The following TMEM74 variants were observed in gnomAD, a reference collection of about 807,000 sequenced individuals.
TMEM74 encodes the protein transmembrane protein 74.
TMEM74 carries 13 observed loss-of-function variants against 18.1 expected under a neutral mutation model. The ratio of observed to expected loss-of-function variants is 0.72; its 90% CI spans 0.47 to 1.14. TMEM74 has a LOEUF of 1.14. TMEM74 is among the 50% of genes most tolerant of loss of function. The pLI is 0.00. For missense variants in TMEM74, 372 were observed against 375.9 expected (o/e 0.99, Z 0.09); for synonymous variants, 159 against 146.6 (o/e 1.08, Z -0.61).
At chr8:108,693,196 G>A (rs1276782947) in intron 1 of TMEM74, among the ~76,000 whole-genome samples, 1 of 152,180 alleles carries the variant, frequency 6.6e-6, no homozygotes, top group African/African-American at 2.4e-5. Context: ...TTATATAAAA[G>A]GATAGTGAAG....
In TMEM74 at chr8:108,756,339, A is replaced by G. The variant is rs1261782230; in HGVS notation, n.119+31137T>C. Reference sequence around the variant, plus strand: ...TTCTTCAGTAAACAGCACATGGAAAATTATATTATGTTTCCCTTTCTAACT... The same window carrying G: ...TTCTTCAGTAAACAGCACATGGAAAGTTATATTATGTTTCCCTTTCTAACT... On this transcript the variant is annotated intron_variant and non_coding_transcript_variant, in intron 1 of 3. Coordinates refer to the TMEM74 transcript ENST00000518838. Among the ~76,000 whole-genome samples, 12 of 151,892 alleles carry G rather than the reference A, an allele frequency of 7.9e-5. No homozygotes were observed. The South Asian group carries it at 2.5e-3, about 32-fold the overall frequency.
intron 1 of TMEM74, among the ~76,000 whole-genome samples, chr8:108,758,421 A>G (rs975832976): frequency 6.6e-6 from 1 of 152,092 alleles, no homozygotes. Flanking sequence ...AGATACATGT[A>G]AAGCCAATTC....
intron 1 of TMEM74, among the ~76,000 whole-genome samples, chr8:108,746,388 C>G (rs1813848560): frequency 6.6e-6 from 1 of 152,040 alleles, no homozygotes; most frequent in Non-Finnish European, 1.5e-5. Flanking sequence ...TGTGCACCAT[C>G]ACAGAACCTC....
rs1040718028 is a variant in TMEM74 at position 108,620,335 on chromosome 8, A to G, written n.265-11509T>C. Among the ~76,000 whole-genome samples the G allele has an allele frequency of 2.6e-5, 4 of 152,186 alleles. 1 individual carries two copies. The highest frequency in any genetic ancestry group is 5.9e-5 in the Non-Finnish European group (4 of 68,022). ...CAGGAGGTTAATACAACAGATCAGCAGATATCTCTGCACGTGTAAGATTGA... is the reference window on the plus strand; with the variant it reads ...CAGGAGGTTAATACAACAGATCAGCGGATATCTCTGCACGTGTAAGATTGA... On this transcript the variant is annotated intron_variant and non_coding_transcript_variant, in intron 2 of 3. Coordinates refer to the TMEM74 transcript ENST00000518838.
In TMEM74 at chr8:108,744,249, G is replaced by A. The variant is rs570814986; in HGVS notation, n.119+43227C>T. 2.6e-4 allele frequency among the ~76,000 whole-genome samples: 40 copies of A among 152,186 alleles called. No homozygotes were observed. The South Asian group carries it at 7.9e-3, about 30-fold the overall frequency. On this transcript the variant is annotated intron_variant and non_coding_transcript_variant, in intron 1 of 3. Coordinates refer to the TMEM74 transcript ENST00000518838. Reference sequence around the variant, plus strand: ...GATAATTGGACTAATGACCAGAAATGACCAGAATTTTCCCTACTCAAAATA... The same window carrying A: ...GATAATTGGACTAATGACCAGAAATAACCAGAATTTTCCCTACTCAAAATA...
At chr8:108,718,334 T>C (rs1813550388) in intron 1 of TMEM74, among the ~76,000 whole-genome samples, 1 of 152,150 alleles carries the variant, frequency 6.6e-6, no homozygotes, top group Non-Finnish European at 1.5e-5. Flanking sequence ...TAGAAAAATA[T>C]GCAGTGTATT....
Position 108,700,565 on chromosome 8 carries a change from A to G in TMEM74, n.120-45128T>C, listed in dbSNP as rs1382421933. Among the ~76,000 whole-genome samples the G allele has an allele frequency of 2.0e-5, 3 of 152,172 alleles. No individual in the cohort carries two copies. In the South Asian group the frequency reaches 6.2e-4, roughly 31 times the overall value. On this transcript the variant is annotated intron_variant and non_coding_transcript_variant, in intron 1 of 3. Transcript: ENST00000518838. ...ATGGCTCAAGTTTTCTAGAACACAG[A>G]GTGCATGGCCAGTGTTGATCAACAC...
chr8:108,709,389 C>T (rs1236560289), intron 1 of TMEM74, among the ~76,000 whole-genome samples: 2 of 151,972 alleles, frequency 1.3e-5, no homozygotes, highest in African/African-American at 4.8e-5. Flanking sequence ...CATCAATAAA[C>T]CTAGGGGACA....
downstream of TMEM74, among the ~76,000 whole-genome samples, chr8:108,778,194 A>G (rs1298971090): frequency 6.6e-6 from 1 of 152,188 alleles, no homozygotes; most frequent in Non-Finnish European, 1.5e-5. Context: ...CATTTGCCAA[A>G]CAGTCCCAAT....
At chr8:108,634,275 C>T (rs1812584357) in intron 2 of TMEM74, among the ~76,000 whole-genome samples, 1 of 151,938 alleles carries the variant, frequency 6.6e-6, no homozygotes, top group Non-Finnish European at 1.5e-5. Context: ...TTATAGAATA[C>T]CAGCTGATGA....
At chr8:108,620,401 G>A (rs1402902589) in intron 2 of TMEM74, among the ~76,000 whole-genome samples, 1 of 152,160 alleles carries the variant, frequency 6.6e-6, no homozygotes, top group Non-Finnish European at 1.5e-5. Context: ...TCTCCGTGGG[G>A]TGGAGGGTTG....
At chr8:108,742,981 G>A (rs931832930) in intron 1 of TMEM74, among the ~76,000 whole-genome samples, 3 of 152,160 alleles carry the variant, frequency 2.0e-5, no homozygotes, top group African/African-American at 4.8e-5. Context: ...ACTTGAAGAC[G>A]ATTTTTTTGC....
chr8:108,608,805 A>G (rs1004684952), exon 3 of TMEM74: 1 of 152,208 alleles, frequency 6.6e-6, no homozygotes, highest in Non-Finnish European at 1.5e-5. Context: ...CTTGGAATCA[A>G]ACATCCTTCA....
intron 1 of TMEM74, among the ~76,000 whole-genome samples, chr8:108,787,221 G>A (rs552989538): frequency 8.1e-4 from 123 of 152,262 alleles, no homozygotes; most frequent in Non-Finnish European, 1.6e-3. Flanking sequence ...ACCTCTGGAT[G>A]CGCCCTGTGC....
intron 1 of TMEM74, among the ~76,000 whole-genome samples, chr8:108,705,755 T>G (rs1049204304): frequency 6.6e-6 from 1 of 152,194 alleles, no homozygotes; most frequent in African/African-American, 2.4e-5. Context: ...ATGAGTTGTA[T>G]TATACCAAAT....
intron 1 of TMEM74, among the ~76,000 whole-genome samples, chr8:108,683,656 G>T (rs1813137984): frequency 6.6e-6 from 1 of 151,944 alleles, no homozygotes; most frequent in Non-Finnish European, 1.5e-5. Context: ...TACATGTAAT[G>T]TATAGTGATC....
At position 108,657,856 on chromosome 8, in the gene TMEM74, AAAAATATATAT is replaced by A. The variant is rs1288105315; in HGVS notation, n.120-2430_120-2420del. On this transcript the variant is annotated intron_variant and non_coding_transcript_variant, in intron 1 of 3. Coordinates refer to the TMEM74 transcript ENST00000518838. ...AGACACCGTCTCAAAAAAAAAAAAAAAAAATATATATATATATATATATATATATATATATA... is the reference window on the plus strand; with the variant it reads ...AGACACCGTCTCAAAAAAAAAAAAAAATATATATATATATATATATATATA... 1.9e-4 allele frequency among the ~76,000 whole-genome samples: 13 copies of A among 69,806 alleles called. No homozygotes were observed. The East Asian group carries it at 4.8e-3, about 26-fold the overall frequency. The allele number at this position is 69,806 out of a possible 152,430, so 45.8% of individuals were successfully genotyped here. A position where few individuals can be genotyped will look rare whatever the true frequency, so the allele number is the denominator to read the frequency against.
chr8:108,739,078 G>T (rs776845589), intron 1 of TMEM74, among the ~76,000 whole-genome samples: 1 of 152,102 alleles, frequency 6.6e-6, no homozygotes, highest in Non-Finnish European at 1.5e-5. Flanking sequence ...AAGAAAGAAG[G>T]CAAGAAAATT....
chr8:108,764,732 A>T (rs925372414), intron 1 of TMEM74, among the ~76,000 whole-genome samples: 8 of 152,132 alleles, frequency 5.3e-5, no homozygotes, highest in African/African-American at 1.7e-4. Context: ...ACTGCTATTC[A>T]AGGAAGGATA....
Sources: allele counts gnomAD v4.1 joint callset (sites outside exome capture counted in the v4.1 genomes callset), GRCh38; gene constraint gnomAD v4.1.1; transcripts MANE v1.5; gene names NCBI Gene and HGNC (gene_info 2026-07-23, HGNC 2026-07-21).